The following ARAP2 variants were observed in gnomAD, a reference collection of about 807,000 sequenced individuals.
ARAP2 encodes the protein arf-GAP with Rho-GAP domain, ANK repeat and PH domain-containing protein 2.
In ARAP2, 148 loss-of-function variants were observed where a neutral mutation model predicts 194.5. The ratio of observed to expected loss-of-function variants is 0.76; its 90% CI spans 0.67 to 0.87. ARAP2 has a LOEUF of 0.87. ARAP2 is among the 40% of genes least tolerant of loss of function. The pLI, the probability that ARAP2 is intolerant of heterozygous loss-of-function variation, is 0.00. For missense variants in ARAP2, 2,128 were observed against 1,989.7 expected (o/e 1.07, Z -1.32); for synonymous variants, 695 against 683.5 (o/e 1.02, Z -0.26).
intron 10 of ARAP2, chr4:36,006,381 C>T (rs1713279103): frequency 6.6e-6 from 1 of 152,142 alleles, no homozygotes; most frequent in South Asian, 2.1e-4. Flanking sequence ...ACTTGAGGAG[C>T]ACTGACTCAT....
intron 27 of ARAP2, among the ~76,000 whole-genome samples, chr4:36,103,337 T>G (rs1220515681): frequency 6.6e-6 from 1 of 151,666 alleles, no homozygotes; most frequent in East Asian, 1.9e-4. Context: ...GGGATAATTT[T>G]CAAAAAACTT....
At chr4:36,158,681 T>C in intron 15 of ARAP2, 49 bp downstream of exon 15, 1 of 1,459,152 alleles carries the variant, frequency 6.9e-7, no homozygotes. Context: ...GTTTTGATAA[T>C]GGAATAAAGT....
chr4:36,155,697 T>C (rs1732118028), intron 15 of ARAP2, among the ~76,000 whole-genome samples: 1 of 151,796 alleles, frequency 6.6e-6, no homozygotes, highest in Non-Finnish European at 1.5e-5. Context: ...AGTCTCGCTG[T>C]GTCTCCCAGG....
At chr4:36,149,744 A>G (rs1730499595) in intron 16 of ARAP2, among the ~76,000 whole-genome samples, 1 of 152,174 alleles carries the variant, frequency 6.6e-6, no homozygotes, top group South Asian at 2.1e-4. Flanking sequence ...TTAAAACAAA[A>G]ACAAGTCAAT....
intron 8 of ARAP2, among the ~76,000 whole-genome samples, chr4:36,185,272 CTT>C (rs1404239833): frequency 6.6e-6 from 1 of 152,118 alleles, no homozygotes; most frequent in African/African-American, 2.4e-5. Context: ...TACTAAGAAA[CTT>C]TTTTTATGTT....
At chr4:36,149,486 G>A (rs1295873716) in intron 16 of ARAP2, among the ~76,000 whole-genome samples, 9 of 152,064 alleles carry the variant, frequency 5.9e-5, no homozygotes, top group Admixed American at 5.9e-4. Flanking sequence ...TGTTATTTGA[G>A]GCAATTCAGC....
intron 19 of ARAP2, among the ~76,000 whole-genome samples, chr4:36,134,123 G>C (rs1726083359): frequency 6.6e-6 from 1 of 151,566 alleles, no homozygotes; most frequent in East Asian, 1.9e-4. Flanking sequence ...CCTTATTTTT[G>C]CTTCAGTTTC....
At chr4:36,242,386 T>C (rs994200099) in intron 1 of ARAP2, among the ~76,000 whole-genome samples, 1 of 152,208 alleles carries the variant, frequency 6.6e-6, no homozygotes, top group South Asian at 2.1e-4. Context: ...CTATTATTTA[T>C]ACTTAGCATT....
intron 6 of ARAP2, among the ~76,000 whole-genome samples, chr4:36,207,127 A>G (rs1310129000): frequency 1.3e-5 from 2 of 152,198 alleles, no homozygotes; most frequent in Non-Finnish European, 2.9e-5. Flanking sequence ...ACAGCTTCAA[A>G]CATTTCTCTT....
intron 8 of ARAP2, among the ~76,000 whole-genome samples, chr4:36,184,322 T>A (rs538750014): frequency 2.0e-5 from 3 of 152,226 alleles, no homozygotes; most frequent in African/African-American, 7.2e-5. Flanking sequence ...CACCCACTTA[T>A]CTTTAAAATC....
chr4:36,046,491 T>C (rs1448333434), intron 4 of ARAP2, among the ~76,000 whole-genome samples: 1 of 152,092 alleles, frequency 6.6e-6, no homozygotes, highest in African/African-American at 2.4e-5. Flanking sequence ...ACCTGGCCTA[T>C]AGGTGCAGTG....
intron 9 of ARAP2, among the ~76,000 whole-genome samples, chr4:36,009,880 T>TGGGG (rs756439464): frequency 6.8e-5 from 8 of 118,258 alleles, no homozygotes; most frequent in Non-Finnish European, 1.5e-4. Flanking sequence ...TTGTTTTTTT[T>TGGGG]GGCGGGGGGT....
chr4:36,096,445 T>C (rs1176338155), intron 27 of ARAP2, among the ~76,000 whole-genome samples: 1 of 151,482 alleles, frequency 6.6e-6, no homozygotes, highest in East Asian at 1.9e-4. Context: ...ACATTTACTA[T>C]TGCAGCAAAT....
rs80077494 is a variant in ARAP2 at position 36,215,113 on chromosome 4, C to A, written c.906-633G>T. Among the ~76,000 whole-genome samples, 1,223 of 152,164 alleles carry A rather than the reference C, an allele frequency of 8.0e-3. 24 individuals are homozygous for A. The highest frequency in any genetic ancestry group is 0.028 in the African/African-American group (1,174 of 41,508). ...CTATCATATAACAGAGTTCTCTTTT[C>A]CATCTAAAAAATGGAAAAATAACTT... On this transcript the variant is annotated intron_variant, in intron 2 of 32. Transcript: ENST00000303965.
intron 27 of ARAP2, among the ~76,000 whole-genome samples, chr4:36,096,693 C>A (rs934598875): frequency 6.6e-6 from 1 of 152,084 alleles, no homozygotes; most frequent in Admixed American, 6.6e-5. Flanking sequence ...CTAATAGATT[C>A]TTTTTAGGTA....
At position 36,229,141 on chromosome 4, in the gene ARAP2, T is replaced by C. The variant is rs1055257889; in HGVS notation, c.346A>G (p.Ser116Gly). The C allele has an allele frequency of 1.5e-5, 25 of 1,614,006 alleles. No individual in the cohort carries two copies. Among genetic ancestry groups the C allele is most frequent in the Non-Finnish European group, 1.9e-5 (23 of 1,180,014 alleles). ...CTAACAGTCTCCAACTGCGGTGGGC[T>C]AGATGTCTGAACACTACCAGAATTG... ...LSNSGSVQTS[S>G]PPQLETVRKN... Residue 116 changes from serine (S) to glycine (G), a missense_variant, in exon 2 of 33, where the codon AGC (serine) becomes GGC (glycine). Physicochemically the swap from Ser to Gly is moderately conservative, Grantham distance 56 (BLOSUM62 0). Coordinates refer to ENST00000303965, the MANE Select transcript of ARAP2 (RefSeq NM_015230.4).
intron 15 of ARAP2, chr4:36,157,598 G>A (rs181118302): frequency 3.7e-4 from 56 of 152,236 alleles, no homozygotes; most frequent in African/African-American, 1.3e-3. Flanking sequence ...GCTTCACGCC[G>A]AGCTTCACTA....
intron 5 of ARAP2, 122 bp from the exon 6 acceptor site, chr4:36,210,865 T>C (rs1298967421): frequency 2.7e-6 from 2 of 729,880 alleles, no homozygotes; most frequent in Non-Finnish European, 4.3e-6. Context: ...TCCTAGAGTT[T>C]CCATTAACCC....
chr4:36,142,870 C>T (rs1728681968), intron 19 of ARAP2, among the ~76,000 whole-genome samples: 1 of 151,710 alleles, frequency 6.6e-6, no homozygotes, highest in Non-Finnish European at 1.5e-5. Context: ...TCTGTATCTC[C>T]AATCTGTTAA....
Sources: allele counts gnomAD v4.1 joint callset (sites outside exome capture counted in the v4.1 genomes callset), GRCh38; gene constraint gnomAD v4.1.1; transcripts MANE v1.5; gene names NCBI Gene and HGNC (gene_info 2026-07-23, HGNC 2026-07-21).